Variants in TLR6 observed in about 807,000 individuals in gnomAD.
TLR6 encodes toll like receptor 6.
Under a neutral mutation model 16.1 loss-of-function variants are expected in TLR6, and 9 were observed. The ratio of observed to expected loss-of-function variants is 0.56; its 90% CI spans 0.34 to 0.98. The LOEUF is 0.98. TLR6 is among the 50% of genes least tolerant of loss of function. The pLI is 0.02. For missense variants in TLR6, 786 were observed against 921.0 expected, an observed-to-expected ratio of 0.85 and a Z score of 1.90; for synonymous variants, 340 against 338.6, an observed-to-expected ratio of 1.00 and a Z score of -0.04.
downstream of TLR6, among the ~76,000 whole-genome samples, chr4:38,823,449 C>T (rs1054320879): frequency 2.6e-5 from 4 of 152,186 alleles, no homozygotes; most frequent in African/African-American, 9.7e-5. Context: ...GCAGCCCAAA[C>T]GGACTGACAC....
At chr4:38,845,861 G>T (rs1414413979) in intron 1 of TLR6, among the ~76,000 whole-genome samples, 1 of 152,146 alleles carries the variant, frequency 6.6e-6, no homozygotes, top group Non-Finnish European at 1.5e-5. Flanking sequence ...GGAGGCCGAG[G>T]TGGATGGATT....
exon 2 of TLR6, chr4:38,828,088 T>C: frequency 6.2e-7 from 1 of 1,614,236 alleles, no homozygotes; most frequent in South Asian, 1.1e-5. Context: ...GAACGCTCTT[T>C]ATTTTATTGC....
chr4:38,828,160 A>T, exon 2 of TLR6: 1 of 1,614,214 alleles, frequency 6.2e-7, no homozygotes, highest in Admixed American at 1.7e-5. Context: ...CAGTAAGCAT[A>T]TTTGAAGACA....
intron 1 of TLR6, among the ~76,000 whole-genome samples, chr4:38,847,434 G>C (rs903631752): frequency 6.6e-6 from 1 of 152,112 alleles, no homozygotes; most frequent in African/African-American, 2.4e-5. Context: ...TCGGACAGTG[G>C]GGGCAGGACA....
At chr4:38,840,398 C>T (rs2109444347) in intron 1 of TLR6, among the ~76,000 whole-genome samples, 1 of 152,188 alleles carries the variant, frequency 6.6e-6, no homozygotes, top group South Asian at 2.1e-4. Flanking sequence ...CTTTGGGAGG[C>T]TGAGGCCCAT....
At position 38,845,599 on chromosome 4, in the gene TLR6, C is replaced by T. The variant is rs537158304; in HGVS notation, c.-65+11162G>A. 2.6e-5 allele frequency among the ~76,000 whole-genome samples: 4 copies of T among 152,328 alleles called. No homozygotes were observed. In the Middle Eastern group the frequency reaches 0.01, roughly 389 times the overall value. ...GGGACTATGAGTCAAGAAATGTGAG[C>T]AGCCTCTAGAAGTTTGAAAAGGCAA... On this transcript the variant is annotated intron_variant, in intron 1 of 1. Transcript: ENST00000436693.
chr4:38,854,849 T>C (rs538355249), intron 1 of TLR6, among the ~76,000 whole-genome samples: 1 of 152,272 alleles, frequency 6.6e-6, no homozygotes, highest in Non-Finnish European at 1.5e-5. Flanking sequence ...AAATCAGTTA[T>C]GTATAATTAA....
chr4:38,828,461 A>C lies in TLR6; in HGVS notation c.1013T>G (p.Ile338Ser). Residue 338 changes from isoleucine to serine, a missense_variant, in exon 2 of 2, where the codon ATT (isoleucine) becomes AGT (serine). Ile to Ser is a moderately radical substitution (Grantham distance 142). Coordinates refer to ENST00000436693, the Ensembl canonical transcript of TLR6. ...CATGTGTATAAAAGGTGTATCTGAA[A>C]TGGTTAACATCATAATGTTCATCTC... 6 of 1,614,204 alleles carry C rather than the reference A, an allele frequency of 3.7e-6. No individual in the cohort carries two copies. In the South Asian group the frequency reaches 5.5e-5, roughly 15 times the overall value.
chr4:38,832,369 G>A (rs1022246507), intron 1 of TLR6, among the ~76,000 whole-genome samples: 1 of 152,158 alleles, frequency 6.6e-6, no homozygotes, highest in Non-Finnish European at 1.5e-5. Context: ...GCCCAGCTGG[G>A]ACTAGCTCAG....
chr4:38,827,964 G>A (rs1727628940), exon 2 of TLR6: 2 of 1,614,044 alleles, frequency 1.2e-6, no homozygotes, highest in African/African-American at 2.7e-5. Context: ...ACTGAATTGT[G>A]ATCAATGATC....
chr4:38,827,959 A>C, exon 2 of TLR6: 1 of 1,614,214 alleles, frequency 6.2e-7, no homozygotes, highest in Non-Finnish European at 8.5e-7. Context: ...GGGAAACTGA[A>C]TTGTGATCAA....
upstream of TLR6, among the ~76,000 whole-genome samples, chr4:38,859,553 T>G (rs76048983): frequency 0.03 from 4,393 of 147,688 alleles, 187 homozygotes; most frequent in African/African-American, 0.083. Context: ...CTAAGAGAAA[T>G]AGATTATTGG....
chr4:38,836,513 AGGACT>A (rs1337380975), intron 1 of TLR6, among the ~76,000 whole-genome samples: 7 of 152,228 alleles, frequency 4.6e-5, no homozygotes, highest in East Asian at 3.8e-4. Context: ...AGAAAATCTC[AGGACT>A]GGATGGCTTT....
rs1727728117 is a variant in TLR6, at chr4:38,829,464, C to T, written c.10G>A (p.Asp4Asn). The change falls in exon 2 of 2, where the codon GAC becomes AAC. Residue 4 changes from aspartate to asparagine, a missense_variant. Transcript: ENST00000436693. Reference sequence around the variant, plus strand: ...AAGCTTTTAACAATAGGTTCTTTGTCTTTGGTCATGATGTTGCAGTGGCTA... The same window carrying T: ...AAGCTTTTAACAATAGGTTCTTTGTTTTTGGTCATGATGTTGCAGTGGCTA... 1.2e-6 allele frequency: 2 copies of T among 1,609,502 alleles called. No individual in the cohort carries two copies. Among genetic ancestry groups the T allele is most frequent in the East Asian group, 4.5e-5 (2 of 44,842 alleles).
downstream of TLR6, among the ~76,000 whole-genome samples, chr4:38,823,357 T>C (rs1727400611): frequency 6.6e-6 from 1 of 152,236 alleles, no homozygotes; most frequent in Non-Finnish European, 1.5e-5. Flanking sequence ...GTAAGCTATG[T>C]CATCTATGTC....
At chr4:38,844,099 A>T (rs1343093588) in intron 1 of TLR6, among the ~76,000 whole-genome samples, 1 of 152,112 alleles carries the variant, frequency 6.6e-6, no homozygotes, top group Non-Finnish European at 1.5e-5. Context: ...ATTCTCCCCA[A>T]ACTTTACACT....
chr4:38,848,972 A>T (rs1579258500), intron 1 of TLR6, among the ~76,000 whole-genome samples: 2 of 152,204 alleles, frequency 1.3e-5, no homozygotes, highest in Non-Finnish European at 2.9e-5. Flanking sequence ...CAAGACACAT[A>T]ATTGTCAGAT....
chr4:38,851,812 A>T (rs1236231981), intron 1 of TLR6, among the ~76,000 whole-genome samples: 1 of 152,222 alleles, frequency 6.6e-6, no homozygotes, highest in Non-Finnish European at 1.5e-5. Flanking sequence ...GCCCAAAGTA[A>T]TTTATAGATT....
chr4:38,848,622 T>G (rs1266649598), intron 1 of TLR6, among the ~76,000 whole-genome samples: 1 of 152,176 alleles, frequency 6.6e-6, no homozygotes, highest in East Asian at 1.9e-4. Flanking sequence ...ACTAGAACTA[T>G]GTGACGAATG....
Sources: gnomAD v4.1 joint callset for allele counts (sites outside exome capture counted in the v4.1 genomes callset) on GRCh38, gnomAD v4.1.1 for gene constraint, MANE v1.5 for transcripts, NCBI Gene and HGNC (gene_info 2026-07-23, HGNC 2026-07-21) for gene names.